Variants in SORCS2 observed in about 807,000 individuals in gnomAD.
SORCS2 encodes the protein sortilin related VPS10 domain containing receptor 2, also known as VPS10 domain-containing receptor SorCS2.
A neutral mutation model predicts 141.6 loss-of-function variants in SORCS2; 100 were observed. That is an observed-to-expected ratio of 0.71 (90% confidence interval 0.60 to 0.83). The LOEUF is 0.83. SORCS2 is among the 40% of genes least tolerant of loss of function. The pLI, the probability that SORCS2 is intolerant of heterozygous loss-of-function variation, is 0.00. For synonymous variants in SORCS2, 789 were observed against 676.9 expected (o/e 1.17, Z -2.57); for missense variants, 1,646 against 1,560.2 (o/e 1.05, Z -0.93).
At chr4:7,581,201 G>A (rs1342661225) in intron 3 of SORCS2, among the ~76,000 whole-genome samples, 3 of 148,580 alleles carry the variant, frequency 2.0e-5, no homozygotes, top group Non-Finnish European at 3.0e-5. Context: ...AAAGGAAAAA[G>A]GGTATTAAAA....
chr4:7,722,939 G>C (rs1049847634), intron 18 of SORCS2, among the ~76,000 whole-genome samples: 3 of 152,326 alleles, frequency 2.0e-5, no homozygotes, highest in African/African-American at 4.8e-5. Context: ...GTGCCGGCGA[G>C]GGAGGAAGAG....
At chr4:7,654,961 G>A (rs1229576947) in intron 5 of SORCS2, among the ~76,000 whole-genome samples, 4 of 152,178 alleles carry the variant, frequency 2.6e-5, no homozygotes, top group Non-Finnish European at 5.9e-5. Flanking sequence ...CTCACTGCAC[G>A]GGGGGCACTC....
At chr4:7,724,921 G>GATGGTGGAGGT (rs1727078961) in intron 19 of SORCS2, among the ~76,000 whole-genome samples, 3 of 38,880 alleles carry the variant, frequency 7.7e-5, no homozygotes, top group African/African-American at 2.8e-4. Context: ...TGGTGGGAAT[G>GATGGTGGAGGT]GATGGTGGTA....
At chr4:7,722,762 A>G (rs966911804) in intron 18 of SORCS2, among the ~76,000 whole-genome samples, 3 of 152,246 alleles carry the variant, frequency 2.0e-5, no homozygotes, top group Admixed American at 6.5e-5. Context: ...GACACTGACC[A>G]GCTCAATTTA....
At chr4:7,520,735 G>A (rs550258435) in intron 2 of SORCS2, among the ~76,000 whole-genome samples, 34 of 152,328 alleles carry the variant, frequency 2.2e-4, no homozygotes, top group Non-Finnish European at 4.3e-4. Flanking sequence ...AGCCCTCTCC[G>A]CCCACAGGGC....
intron 1 of SORCS2, among the ~76,000 whole-genome samples, chr4:7,276,423 G>A (rs1468758172): frequency 6.6e-6 from 1 of 152,142 alleles, no homozygotes. Context: ...TCCACTCGCT[G>A]GAACGGGCTT....
intron 2 of SORCS2, among the ~76,000 whole-genome samples, chr4:7,484,386 T>G (rs1730845246): frequency 6.6e-6 from 1 of 152,190 alleles, no homozygotes; most frequent in Non-Finnish European, 1.5e-5. Flanking sequence ...TTTATCTTCC[T>G]CCTATTTTAT....
intron 18 of SORCS2, among the ~76,000 whole-genome samples, chr4:7,719,135 A>T (rs1258246336): frequency 1.3e-5 from 2 of 152,210 alleles, no homozygotes; most frequent in African/African-American, 4.8e-5. Flanking sequence ...AGTACGGGAG[A>T]TGCAGCTAGT....
intron 1 of SORCS2, among the ~76,000 whole-genome samples, chr4:7,287,596 G>A (rs781112642): frequency 3.3e-5 from 5 of 152,344 alleles, no homozygotes; most frequent in Admixed American, 6.5e-5. Context: ...TGCCGCCCTC[G>A]GGAGAGAAAG....
At chr4:7,610,070 C>G (rs1232733769) in intron 3 of SORCS2, among the ~76,000 whole-genome samples, 2 of 152,214 alleles carry the variant, frequency 1.3e-5, no homozygotes, top group African/African-American at 4.8e-5. Flanking sequence ...AGACCGTCAC[C>G]TTGGGGCCCC....
chr4:7,692,839 C>T (rs896628860), intron 11 of SORCS2, among the ~76,000 whole-genome samples: 1 of 152,144 alleles, frequency 6.6e-6, no homozygotes, highest in African/African-American at 2.4e-5. Flanking sequence ...GGGGGAGTGC[C>T]GCGCTGGGGT....
chr4:7,314,518 T>G (rs1043746498), intron 1 of SORCS2, among the ~76,000 whole-genome samples: 1 of 151,868 alleles, frequency 6.6e-6, no homozygotes, highest in Non-Finnish European at 1.5e-5. Context: ...TTTTTGTATT[T>G]TTAGTGGAGA....
chr4:7,197,944 TG>T (rs1727265380), intron 1 of SORCS2, among the ~76,000 whole-genome samples: 1 of 152,172 alleles, frequency 6.6e-6, no homozygotes, highest in South Asian at 2.1e-4. Context: ...CATAGGTTTG[TG>T]GTGCAGGTGA....
chr4:7,546,054 C>T (rs1560375573), intron 3 of SORCS2, among the ~76,000 whole-genome samples: 1 of 152,180 alleles, frequency 6.6e-6, no homozygotes, highest in Non-Finnish European at 1.5e-5. Context: ...ATCACAAGGG[C>T]TCCACCCTCA....
intron 14 of SORCS2, 86 bp downstream of exon 14, chr4:7,704,370 C>A: frequency 8.2e-7 from 1 of 1,212,674 alleles, no homozygotes; most frequent in South Asian, 1.5e-5. Flanking sequence ...CTTCACCCCC[C>A]AGCCACCTGG....
chr4:7,464,263 C>G (rs1017888718), intron 2 of SORCS2, among the ~76,000 whole-genome samples: 34 of 152,274 alleles, frequency 2.2e-4, no homozygotes, highest in Admixed American at 1.6e-3. Flanking sequence ...GCTGGAGAAG[C>G]CAGTAGAAGT....
intron 16 of SORCS2, 111 bp from the exon 17 acceptor site, chr4:7,715,068 AGCAG>A: frequency 7.0e-7 from 1 of 1,424,792 alleles, no homozygotes; most frequent in Non-Finnish European, 9.7e-7. Context: ...ATGGGTGCAT[AGCAG>A]GCCCTTGACA....
chr4:7,447,315 C>T (rs1728062950), intron 2 of SORCS2, among the ~76,000 whole-genome samples: 1 of 152,168 alleles, frequency 6.6e-6, no homozygotes, highest in Non-Finnish European at 1.5e-5. Flanking sequence ...ACTTCTGCCT[C>T]CGTGCCTTGC....
intron 2 of SORCS2, among the ~76,000 whole-genome samples, chr4:7,460,398 C>T (rs973789737): frequency 2.6e-5 from 4 of 152,236 alleles, no homozygotes; most frequent in African/African-American, 7.2e-5. Flanking sequence ...TCCAGACATT[C>T]GGGGTGCCAG....
Sources: allele counts gnomAD v4.1 joint callset (sites outside exome capture counted in the v4.1 genomes callset), GRCh38; gene constraint gnomAD v4.1.1; transcripts MANE v1.5; gene names NCBI Gene and HGNC (gene_info 2026-07-23, HGNC 2026-07-21).